Variants in TCF4 observed in about 807,000 individuals in gnomAD.
TCF4 encodes SL3-3 enhancer factor 2.
A neutral mutation model predicts 82.1 loss-of-function variants in TCF4; 3 were observed. The observed-to-expected ratio is 0.04, with a 90% CI of 0.02 to 0.09. The LOEUF (loss-of-function observed/expected upper bound fraction) is 0.09, where lower values mean the gene tolerates loss of function less well. TCF4 is among the 10% of genes least tolerant of loss of function. TCF4 has a pLI of 1.00. For synonymous variants in TCF4, 276 were observed against 309.6 expected (o/e 0.89, Z 1.14); for missense variants, 518 against 852.7 (o/e 0.61, Z 4.89).
chr18:55,398,585 G>A (rs2093630852), intron 6 of TCF4, among the ~76,000 whole-genome samples: 1 of 152,156 alleles, frequency 6.6e-6, no homozygotes, highest in Non-Finnish European at 1.5e-5. Flanking sequence ...AGCCTGCACA[G>A]CATGTTAGAA....
intron 3 of TCF4, among the ~76,000 whole-genome samples, chr18:55,487,213 A>G (rs2096526832): frequency 6.6e-6 from 1 of 152,160 alleles, no homozygotes. Flanking sequence ...GTCTTTCCTC[A>G]ACCTGGAAAA....
intron 5 of TCF4, among the ~76,000 whole-genome samples, chr18:55,413,146 T>G (rs2094413430): frequency 1.3e-5 from 2 of 152,140 alleles, no homozygotes; most frequent in Admixed American, 1.3e-4. Flanking sequence ...CATGACAATG[T>G]TATATACGGT....
At chr18:55,613,680 G>C (rs113755678) in intron 2 of TCF4, among the ~76,000 whole-genome samples, 26 of 152,228 alleles carry the variant, frequency 1.7e-4, no homozygotes, top group African/African-American at 5.3e-4. Flanking sequence ...AGAGCAAAGG[G>C]GGAAGTGTTA....
upstream of TCF4, chr18:55,589,401 A>G: frequency 2.8e-6 from 3 of 1,055,710 alleles, no homozygotes; most frequent in Non-Finnish European, 2.3e-6. Context: ...TGTATCCCCA[A>G]AAAGTATTTT....
At chr18:55,357,100 G>A (rs2083745590) in intron 6 of TCF4, among the ~76,000 whole-genome samples, 4 of 152,060 alleles carry the variant, frequency 2.6e-5, no homozygotes, top group Admixed American at 2.0e-4. Context: ...CCAGGTTTAC[G>A]CATATACCTA....
At position 55,621,463 on chromosome 18, in the gene TCF4, T is replaced by TATAAA. The variant is rs1341378823; in HGVS notation, c.286+9834_286+9835insTTTAT. Among the ~76,000 whole-genome samples the TATAAA allele has an allele frequency of 3.5e-3, 182 of 51,862 alleles. 2 individuals are homozygous for TATAAA. The highest frequency in any genetic ancestry group is 8.4e-3 in the Admixed American group (27 of 3,228). 34.0% of individuals were successfully genotyped at this position (51,862 alleles called of 152,430 possible). A position where few individuals can be genotyped will look rare whatever the true frequency, so the allele number is the denominator to read the frequency against. On this transcript the variant is annotated intron_variant, in intron 2 of 20. Transcript: ENST00000398339. ...ATATATATATAATATATATAATATA[T>TATAAA]AATATATATAAAAATATAATATATA...
Position 55,611,935 on chromosome 18 carries a change from AT to A in TCF4, c.286+19362del, listed in dbSNP as rs969516301. Among the ~76,000 whole-genome samples, 8 of 151,888 alleles carry A rather than the reference AT, an allele frequency of 5.3e-5. No individual in the cohort carries two copies. In the East Asian group the frequency reaches 7.7e-4, roughly 15 times the overall value. On this transcript the variant is annotated intron_variant, in intron 2 of 20. Transcript: ENST00000398339. ...AGGCACTCGTCACCATGCCCAGCTCATTTTTTTGTATTTTTAGTAGAGATGG... is the reference window on the plus strand; with the variant it reads ...AGGCACTCGTCACCATGCCCAGCTCATTTTTTGTATTTTTAGTAGAGATGG...
chr18:55,303,867 T>C (rs937239849), intron 8 of TCF4, among the ~76,000 whole-genome samples: 2 of 152,270 alleles, frequency 1.3e-5, no homozygotes, highest in African/African-American at 2.4e-5. Context: ...AATAGTGAAA[T>C]AGCAAAGCAG....
At chr18:55,343,028 G>C (rs1164718631) in intron 8 of TCF4, among the ~76,000 whole-genome samples, 1 of 152,046 alleles carries the variant, frequency 6.6e-6, no homozygotes, top group Non-Finnish European at 1.5e-5. Flanking sequence ...TAGACACTTA[G>C]GTATTCTTTC....
upstream of TCF4, among the ~76,000 whole-genome samples, chr18:55,593,590 C>T (rs9963461): frequency 8.2e-3 from 1,242 of 152,246 alleles, 9 homozygotes; most frequent in Middle Eastern, 0.044. Context: ...CGTTAAGGAG[C>T]GGCATAGCCA....
intron 3 of TCF4, among the ~76,000 whole-genome samples, chr18:55,508,997 T>G (rs1042068668): frequency 1.8e-4 from 27 of 152,342 alleles, no homozygotes; most frequent in African/African-American, 6.3e-4. Flanking sequence ...GCAAGACTCC[T>G]GTATGTTATT....
chr18:55,503,069 G>C (rs1160397187), intron 3 of TCF4, among the ~76,000 whole-genome samples: 2 of 151,978 alleles, frequency 1.3e-5, no homozygotes, highest in Non-Finnish European at 2.9e-5. Context: ...TCTCTTTTTG[G>C]AACTGCCTTA....
At position 55,588,084 on chromosome 18, in the gene TCF4, C is replaced by A; in HGVS notation, c.-67G>T. On this transcript the variant is annotated 5_prime_UTR_variant, in exon 1 of 20. Transcript: ENST00000354452. Reference sequence around the variant, plus strand: ...TCTCCGTGCACCGCCGGCGCCGAGGCGGCGTTCATGTCTAACCGCCGCCGC... The same window carrying A: ...TCTCCGTGCACCGCCGGCGCCGAGGAGGCGTTCATGTCTAACCGCCGCCGC... 2.0e-6 allele frequency: 2 copies of A among 998,152 alleles called. No individual in the cohort carries two copies. Among genetic ancestry groups the A allele is most frequent in the Non-Finnish European group, 1.2e-6 (1 of 840,494 alleles). 61.8% of individuals were successfully genotyped at this position (998,152 alleles called of 1,614,324 possible).
chr18:55,313,250 G>A (rs1015930803), intron 8 of TCF4, among the ~76,000 whole-genome samples: 1 of 152,102 alleles, frequency 6.6e-6, no homozygotes, highest in Non-Finnish European at 1.5e-5. Context: ...TATCAAAATT[G>A]AGAGTTCATT....
intron 8 of TCF4, among the ~76,000 whole-genome samples, chr18:55,283,725 T>C (rs1354579073): frequency 6.6e-6 from 1 of 152,186 alleles, no homozygotes; most frequent in Non-Finnish European, 1.5e-5. Flanking sequence ...TTCCTGCTTG[T>C]AAAGTGGAAA....
chr18:55,564,645 G>A (rs1006718455), intron 3 of TCF4, among the ~76,000 whole-genome samples: 2 of 152,270 alleles, frequency 1.3e-5, no homozygotes, highest in East Asian at 1.9e-4. Flanking sequence ...ACATTAAGGA[G>A]ACAGAAGAAA....
At chr18:55,626,400 G>GA (rs397858184) in intron 2 of TCF4, among the ~76,000 whole-genome samples, 3 of 152,026 alleles carry the variant, frequency 2.0e-5, no homozygotes, top group Non-Finnish European at 4.4e-5. Flanking sequence ...ATATCCTGTT[G>GA]AAAAAAAGTT....
rs188705178 is a variant in TCF4 at position 55,575,168 on chromosome 18, A to G, written c.145+10112T>C. Reference sequence around the variant, plus strand: ...AATAAGATGTTAATAAAATCAGGGGAAAATTAGATGTCAGAAGAAAATTAA... The same window carrying G: ...AATAAGATGTTAATAAAATCAGGGGGAAATTAGATGTCAGAAGAAAATTAA... On this transcript the variant is annotated intron_variant, in intron 3 of 19. Coordinates refer to ENST00000354452, the MANE Select transcript of TCF4 (RefSeq NM_001083962.2). 1.2e-3 allele frequency among the ~76,000 whole-genome samples: 184 copies of G among 152,338 alleles called. 1 individual carries two copies. Among genetic ancestry groups the G allele is most frequent in the African/African-American group, 4.4e-3 (181 of 41,582 alleles).
chr18:55,410,911 G>T (rs942170404), intron 5 of TCF4, among the ~76,000 whole-genome samples: 24 of 152,054 alleles, frequency 1.6e-4, no homozygotes, highest in Non-Finnish European at 3.1e-4. Flanking sequence ...TAAAAATATT[G>T]TCCTAGATGA....
Sources: allele counts gnomAD v4.1 joint callset (sites outside exome capture counted in the v4.1 genomes callset), GRCh38; gene constraint gnomAD v4.1.1; transcripts MANE v1.5; gene names NCBI Gene and HGNC (gene_info 2026-07-23, HGNC 2026-07-21).